RTCB: variants seen among roughly 807,000 people sequenced by gnomAD.
RTCB encodes RNA-splicing ligase RTCB.
Under a neutral mutation model 58.2 loss-of-function variants are expected in RTCB, and 32 were observed. The ratio of observed to expected loss-of-function variants is 0.55; its 90% confidence interval spans 0.41 to 0.74. RTCB has a LOEUF of 0.74. RTCB is among the 30% of genes least tolerant of loss of function. RTCB has a pLI of 0.00. For missense variants in RTCB, 523 were observed against 639.0 expected (o/e 0.82, Z 1.96); for synonymous variants, 247 against 218.6 (o/e 1.13, Z -1.15).
At chr22:32,397,877 C>T (rs1001686917) in intron 7 of RTCB, 64 bp downstream of exon 7, 36 of 1,496,598 alleles carry the variant, frequency 2.4e-5, no homozygotes, top group African/African-American at 2.4e-4. Flanking sequence ...TCAGAGTTTT[C>T]GCTCTTAAAT....
At chr22:32,410,722 CTT>C (rs5844994) in intron 1 of RTCB, among the ~76,000 whole-genome samples, 12,290 of 140,344 alleles carry the variant, frequency 0.088, 750 homozygotes, top group African/African-American at 0.19. Context: ...TTTTTCTTTT[CTT>C]TTTTTTTTTT....
At chr22:32,401,082 CCTA>C (rs1386928278) in intron 5 of RTCB, among the ~76,000 whole-genome samples, 3 of 149,004 alleles carry the variant, frequency 2.0e-5, no homozygotes, top group Non-Finnish European at 4.4e-5. Flanking sequence ...CCTGATATCA[CCTA>C]CTAAGTTTTT....
intron 11 of RTCB, among the ~76,000 whole-genome samples, chr22:32,388,945 C>T (rs373645488): frequency 5.3e-5 from 8 of 152,130 alleles, no homozygotes; most frequent in South Asian, 4.1e-4. Flanking sequence ...GGATCTTTCC[C>T]GAGGATACCA....
At chr22:32,388,635 T>G (rs1933099869) in intron 11 of RTCB, among the ~76,000 whole-genome samples, 1 of 152,160 alleles carries the variant, frequency 6.6e-6, no homozygotes, top group South Asian at 2.1e-4. Flanking sequence ...ACAGACAATT[T>G]CTGTGACTTT....
chr22:32,395,923 T>C (rs1933237963), intron 8 of RTCB, 151 bp downstream of exon 8: 3 of 682,304 alleles, frequency 4.4e-6, no homozygotes, highest in Non-Finnish European at 7.3e-6. Flanking sequence ...ATGGTCTGGA[T>C]CTCCTAACCT....
chr22:32,394,833 C>G (rs1413848473), intron 9 of RTCB, among the ~76,000 whole-genome samples, 193 bp downstream of exon 9: 1 of 152,110 alleles, frequency 6.6e-6, no homozygotes, highest in African/African-American at 2.4e-5. Context: ...TGCTATAGCA[C>G]ACGGCACCAC....
chr22:32,395,947 C>G (rs969582114), intron 8 of RTCB, 127 bp downstream of exon 8: 38 of 880,816 alleles, frequency 4.3e-5, no homozygotes, highest in East Asian at 1.0e-4. Flanking sequence ...GATCCGCCCC[C>G]CCTCGGCCTC....
chr22:32,387,970 G>C lies in RTCB; in HGVS notation c.*22C>G, dbSNP rs778966358. 1.3e-6 allele frequency: 2 copies of C among 1,497,016 alleles called. No individual in the cohort carries two copies. The highest frequency in any genetic ancestry group is 3.3e-5 in the Admixed American group (2 of 59,852). The allele number at this position is 1,497,016 out of a possible 1,614,324, so 92.7% of individuals were successfully genotyped here. A position where few individuals can be genotyped will look rare whatever the true frequency, so the allele number is the denominator to read the frequency against. ...ACTTCAGAGAGGGTTGGTGGTGTCA[G>C]GCAGCCCTGCTGTCCAAGGTTCTAT... On this transcript the variant is annotated 3_prime_UTR_variant, in exon 12 of 12. Coordinates refer to ENST00000216038, the MANE Select transcript of RTCB (RefSeq NM_014306.5).
At chr22:32,411,464 T>C (rs1933522166) in intron 1 of RTCB, among the ~76,000 whole-genome samples, 1 of 152,158 alleles carries the variant, frequency 6.6e-6, no homozygotes, top group Non-Finnish European at 1.5e-5. Context: ...AGCTTCTTCC[T>C]AGGTGGGTAG....
chr22:32,411,979 C>T (rs1326169885), intron 1 of RTCB, 85 bp downstream of exon 1: 1 of 986,850 alleles, frequency 1.0e-6, no homozygotes. Flanking sequence ...ACCCAGTGGT[C>T]AGGGGAGGTC....
rs1173606829 is a variant in RTCB, at chr22:32,397,995, C to G, written c.760G>C (p.Val254Leu). The G allele has an allele frequency of 6.2e-7, 1 of 1,614,046 alleles. No homozygotes were observed. The highest frequency in any genetic ancestry group is 8.5e-7 in the Non-Finnish European group (1 of 1,180,046). The change falls in exon 7 of 12, where the codon GTG (valine) becomes CTG (leucine). Residue 254 changes from valine (V) to leucine (L), a missense_variant. Coordinates refer to ENST00000216038, the MANE Select transcript of RTCB (RefSeq NM_014306.5). ...CTTCCACTGTGGATCATCACACACA[C>G]CTGTCCCTTATGGTCGATGCCCATT... Reference protein sequence around the residue: ...KKMGIDHKGQVCVMIHSGSRG... With the variant: ...KKMGIDHKGQLCVMIHSGSRG...
chr22:32,404,113 A>C (rs28783498), intron 4 of RTCB, among the ~76,000 whole-genome samples: 13,276 of 152,246 alleles, frequency 0.087, 870 homozygotes, highest in African/African-American at 0.19. Flanking sequence ...ACAATGCTAC[A>C]ATGAACATGG....
At chr22:32,404,837 G>C (rs930470692) in intron 4 of RTCB, among the ~76,000 whole-genome samples, 2 of 151,152 alleles carry the variant, frequency 1.3e-5, no homozygotes, top group Non-Finnish European at 2.9e-5. Flanking sequence ...ATGCCCCCAT[G>C]CCCGGCTAAT....
chr22:32,412,041 C>A, intron 1 of RTCB, 23 bp downstream of exon 1: 1 of 1,583,606 alleles, frequency 6.3e-7, no homozygotes. Flanking sequence ...CGGAAGGCCC[C>A]GCCATTTGCT....
intron 1 of RTCB, among the ~76,000 whole-genome samples, chr22:32,409,249 C>T (rs1030527248): frequency 3.3e-5 from 5 of 150,896 alleles, no homozygotes; most frequent in East Asian, 1.9e-4. Flanking sequence ...AAACATAAAA[C>T]GTAGTCATCT....
In RTCB at chr22:32,396,081, G is replaced by A. The variant is rs1219628245; in HGVS notation, c.983C>T (p.Thr328Ile). 1.2e-6 allele frequency: 2 copies of A among 1,613,846 alleles called. No individual in the cohort carries two copies. The highest frequency in any genetic ancestry group is 1.7e-6 in the Non-Finnish European group (2 of 1,179,898). The change falls in exon 8 of 12, where the codon ACC becomes ATC. Residue 328 changes from threonine (T) to isoleucine (I), a missense_variant. By Grantham distance (89) the Thr-to-Ile change is moderately conservative. Transcript: ENST00000216038. ...WVNRSSMTFLTRQAFAKVFNT... is the reference protein window; with the variant it reads ...WVNRSSMTFLIRQAFAKVFNT... ...GAGCAACTTCTACTGTACCTGACGG[G>A]TTAAGAAGGTCATGGAAGAGCGGTT...
At chr22:32,410,208 G>T (rs987202290) in intron 1 of RTCB, among the ~76,000 whole-genome samples, 1 of 152,186 alleles carries the variant, frequency 6.6e-6, no homozygotes, top group Admixed American at 6.5e-5. Context: ...AATCTGATGA[G>T]GAAGTGCCTC....
intron 4 of RTCB, among the ~76,000 whole-genome samples, chr22:32,405,518 G>A (rs948743124): frequency 1.3e-5 from 2 of 152,124 alleles, no homozygotes; most frequent in South Asian, 2.1e-4. Flanking sequence ...TAGAGGTCAC[G>A]TGTCAAGTTT....
At position 32,400,038 on chromosome 22, in the gene RTCB, T is replaced by C. The variant is rs1387914814; in HGVS notation, c.498-279A>G. 2.6e-5 allele frequency: 7 copies of C among 266,572 alleles called. No homozygotes were observed. In the East Asian group the frequency reaches 4.9e-4, roughly 19 times the overall value. 16.5% of individuals were successfully genotyped at this position (266,572 alleles called of 1,614,324 possible). On this transcript the variant is annotated intron_variant, in intron 5 of 11. Coordinates refer to ENST00000216038, the MANE Select transcript of RTCB (RefSeq NM_014306.5). Reference sequence around the variant, plus strand: ...CTTGTTAATTTTCAAATCTTTTTTATATTCAGTTTTGCCTCTCTGATCCTG... The same window carrying C: ...CTTGTTAATTTTCAAATCTTTTTTACATTCAGTTTTGCCTCTCTGATCCTG...
Sources: allele counts gnomAD v4.1 joint callset (sites outside exome capture counted in the v4.1 genomes callset), GRCh38; gene constraint gnomAD v4.1.1; transcripts MANE v1.5; gene names NCBI Gene and HGNC (gene_info 2026-07-23, HGNC 2026-07-21).